Variants in PDZD8 observed in about 807,000 individuals in gnomAD.
The protein encoded by PDZD8 is PDZ domain containing 8, also known as PDZ domain-containing protein 8.
A neutral mutation model predicts 85.8 loss-of-function variants in PDZD8; 14 were observed. That is an observed-to-expected ratio of 0.16 (90% CI 0.11 to 0.26). PDZD8 has a LOEUF of 0.26. Ranked by LOEUF, PDZD8 falls within the 10% of genes least tolerant of loss-of-function variation. The pLI, the probability that PDZD8 is intolerant of heterozygous loss-of-function variation, is 1.00. For missense variants in PDZD8, 1,197 were observed against 1,424.3 expected (o/e 0.84, Z 2.57); for synonymous variants, 592 against 568.6 (o/e 1.04, Z -0.59).
intron 3 of PDZD8, among the ~76,000 whole-genome samples, chr10:117,303,714 CCT>C (rs1843886457): frequency 6.6e-6 from 1 of 152,238 alleles, no homozygotes; most frequent in Non-Finnish European, 1.5e-5. Context: ...GACTTAGTGC[CCT>C]GTTGTCCTAG....
intron 3 of PDZD8, among the ~76,000 whole-genome samples, chr10:117,317,124 G>A (rs987372747): frequency 6.6e-6 from 1 of 152,148 alleles, no homozygotes; most frequent in Non-Finnish European, 1.5e-5. Flanking sequence ...AAGTATGACA[G>A]GAATTAAGTT....
Position 117,283,632 on chromosome 10 carries a change from T to C in PDZD8, c.3101A>G (p.Gln1034Arg). The C allele has an allele frequency of 6.2e-7, 1 of 1,614,248 alleles. No homozygotes were observed. Among genetic ancestry groups the C allele is most frequent in the South Asian group, 1.1e-5 (1 of 91,086 alleles). Residue 1034 changes from glutamine (Q) to arginine (R), a missense_variant, in exon 5 of 5, where the codon CAG becomes CGG. By Grantham distance (43) the Gln-to-Arg change is conservative. Around this residue, in one of 4 missense-constraint regions of PDZD8, gnomAD observed 418 missense variants for 571.1 expected, o/e 0.73. Coordinates refer to ENST00000334464, the MANE Select transcript of PDZD8 (RefSeq NM_173791.5). The stretch of plus-strand genomic sequence containing the variant: ...CTTATCCAACATGAACTCTAGTTTC[T>C]GGATCCTTTCCTCTGTAGGCAAGCC... ...YRGLPTEERI[Q>R]KLEFMLDKLQ...
chr10:117,301,904 C>A (rs1388090344), intron 3 of PDZD8, among the ~76,000 whole-genome samples: 2 of 152,142 alleles, frequency 1.3e-5, no homozygotes, highest in Non-Finnish European at 2.9e-5. Flanking sequence ...CCCCCACAAA[C>A]ACCCTTGAGT....
intron 2 of PDZD8, among the ~76,000 whole-genome samples, chr10:117,339,781 T>C (rs1844579247): frequency 6.6e-6 from 1 of 152,124 alleles, no homozygotes; most frequent in South Asian, 2.1e-4. Context: ...AGAGAAACAG[T>C]CTGCCAACAC....
At chr10:117,335,475 A>G (rs1457334653) in intron 2 of PDZD8, among the ~76,000 whole-genome samples, 1 of 152,240 alleles carries the variant, frequency 6.6e-6, no homozygotes, top group Non-Finnish European at 1.5e-5. Context: ...GACAGATAAC[A>G]GTGTAAGGCA....
At chr10:117,307,816 T>A (rs1344537815) in intron 3 of PDZD8, among the ~76,000 whole-genome samples, 1 of 152,066 alleles carries the variant, frequency 6.6e-6, no homozygotes. Context: ...ACATACGAAT[T>A]AAGTGTTGCT....
intron 2 of PDZD8, among the ~76,000 whole-genome samples, chr10:117,336,160 CAA>C (rs1357506691): frequency 6.6e-6 from 1 of 152,146 alleles, no homozygotes; most frequent in African/African-American, 2.4e-5. Flanking sequence ...CTGCATGAAA[CAA>C]AGTTTGTGTA....
chr10:117,374,653 A>T lies in PDZD8; in HGVS notation c.575T>A (p.Phe192Tyr). The T allele has an allele frequency of 6.3e-7, 1 of 1,585,820 alleles. No homozygotes were observed. Among genetic ancestry groups the T allele is most frequent in the Non-Finnish European group, 8.6e-7 (1 of 1,165,750 alleles). The change falls in exon 1 of 5, where the codon TTC becomes TAC. Residue 192 changes from phenylalanine to tyrosine, a missense_variant. This residue lies in a region of PDZD8 where 344 missense variants were observed against 453.6 expected (regional missense o/e 0.76). Coordinates refer to ENST00000334464, the MANE Select transcript of PDZD8 (RefSeq NM_173791.5). The surrounding 1 kb of genome is among the most constrained non-coding windows in gnomAD (Gnocchi z 7.8). Reference sequence around the variant, plus strand: ...CCCGTTGTACTCCACCTCCGCCTCGAAGGCCAGCTCCTCGGGGCAGGCGGC... The same window carrying T: ...CCCGTTGTACTCCACCTCCGCCTCGTAGGCCAGCTCCTCGGGGCAGGCGGC... ...LPAACPEELA[F>Y]EAEVEYNGGF...
chr10:117,329,512 G>A (rs1844379002), intron 2 of PDZD8, among the ~76,000 whole-genome samples: 1 of 152,102 alleles, frequency 6.6e-6, no homozygotes. Context: ...ATGACGTTGA[G>A]CAGTAGGATA....
chr10:117,350,202 T>G (rs1034526369), intron 1 of PDZD8, among the ~76,000 whole-genome samples: 2 of 151,844 alleles, frequency 1.3e-5, no homozygotes, highest in African/African-American at 4.8e-5. Flanking sequence ...AGCTAGTAAG[T>G]GGTAGAACCA....
chr10:117,321,639 A>G (rs1304270746), intron 2 of PDZD8, among the ~76,000 whole-genome samples: 1 of 152,182 alleles, frequency 6.6e-6, no homozygotes, highest in Non-Finnish European at 1.5e-5. Context: ...TGCATGGTAT[A>G]TTAATTATAT....
At chr10:117,369,435 A>G (rs555066061) in intron 1 of PDZD8, among the ~76,000 whole-genome samples, 2 of 152,298 alleles carry the variant, frequency 1.3e-5, no homozygotes, top group Admixed American at 6.5e-5. Context: ...CTGGGATTAC[A>G]GGAGTGAGCC....
At chr10:117,319,144 G>A (rs1019435908) in intron 2 of PDZD8, among the ~76,000 whole-genome samples, 170 bp from the exon 3 acceptor site, 1 of 151,958 alleles carries the variant, frequency 6.6e-6, no homozygotes, top group African/African-American at 2.4e-5. Context: ...GTGGAAACAT[G>A]AAGTAAAGCT....
intron 3 of PDZD8, among the ~76,000 whole-genome samples, chr10:117,317,813 T>C (rs1036078378): frequency 1.3e-5 from 2 of 152,182 alleles, no homozygotes; most frequent in African/African-American, 2.4e-5. Flanking sequence ...AAACTTTCCA[T>C]GAAACCTCTA....
chr10:117,339,078 C>T (rs1269173531), intron 2 of PDZD8, among the ~76,000 whole-genome samples: 1 of 146,998 alleles, frequency 6.8e-6, no homozygotes, highest in African/African-American at 2.5e-5. Context: ...CTTTGTCTAC[C>T]AGGCTTTCTA....
chr10:117,340,958 A>T (rs759514209), intron 2 of PDZD8, 22 bp downstream of exon 2: 4 of 1,613,224 alleles, frequency 2.5e-6, no homozygotes, highest in Non-Finnish European at 3.4e-6. Flanking sequence ...GTAACTTAGT[A>T]ATGACAAAAC....
chr10:117,363,048 T>C (rs1328146076), intron 1 of PDZD8, among the ~76,000 whole-genome samples: 1 of 152,098 alleles, frequency 6.6e-6, no homozygotes, highest in African/African-American at 2.4e-5. Flanking sequence ...ATATTATACT[T>C]AGTAATGGTG....
rs1162602858 is a variant in PDZD8, at chr10:117,278,676, A to C, written c.*4592T>G. The C allele has an allele frequency of 6.6e-6, 1 of 152,234 alleles. No homozygotes were observed. Among genetic ancestry groups the C allele is most frequent in the Non-Finnish European group, 1.5e-5 (1 of 68,044 alleles). 9.4% of individuals were successfully genotyped at this position (152,234 alleles called of 1,614,324 possible). A position where few individuals can be genotyped will look rare whatever the true frequency, so the allele number is the denominator to read the frequency against. ...TGTTAACTTCGACATCAAGGAGCAA[A>C]GAACTTTAGAACAGACTCCTCAATC... is the stretch of plus-strand genomic sequence containing the variant. On this transcript the variant is annotated 3_prime_UTR_variant, in exon 5 of 5. Coordinates refer to ENST00000334464, the MANE Select transcript of PDZD8 (RefSeq NM_173791.5).
At chr10:117,293,008 C>G (rs772386086) in intron 3 of PDZD8, among the ~76,000 whole-genome samples, 65 of 152,114 alleles carry the variant, frequency 4.3e-4, no homozygotes, top group Middle Eastern at 6.8e-3. Flanking sequence ...TGAAAATCAT[C>G]ACCTTAATTA....
Sources: gnomAD v4.1 joint callset for allele counts (sites outside exome capture counted in the v4.1 genomes callset) on GRCh38, gnomAD v4.1.1 for gene constraint, gnomAD v4.1.1 regional missense constraint, Gnocchi (gnomAD v3.1) non-coding constraint, MANE v1.5 for transcripts, NCBI Gene and HGNC (gene_info 2026-07-23, HGNC 2026-07-21) for gene names.